Variants in DNAH11 observed in about 807,000 individuals in gnomAD.
DNAH11 encodes the protein dynein axonemal heavy chain 11, also known as axonemal beta dynein heavy chain 11.
In DNAH11, 442 loss-of-function variants were observed where a neutral mutation model predicts 526.0. That is an observed-to-expected ratio of 0.84 (90% CI 0.78 to 0.91). DNAH11 has a LOEUF of 0.91. Among genes scored for constraint, DNAH11 ranks in the 40% least tolerant of loss-of-function variants. The pLI is 0.00. For missense variants in DNAH11, 6,989 were observed against 5,448.7 expected, an observed-to-expected ratio of 1.28 and a Z score of -8.90; for synonymous variants, 2,461 against 1,935.9, an observed-to-expected ratio of 1.27 and a Z score of -7.12.
chr7:21,636,331 A>G (rs1786862107), intron 26 of DNAH11, among the ~76,000 whole-genome samples: 1 of 152,228 alleles, frequency 6.6e-6, no homozygotes, highest in Admixed American at 6.5e-5. Context: ...ATAAATAAAC[A>G]AATGGATATG....
At chr7:21,647,674 G>A (rs1463544978) in intron 28 of DNAH11, among the ~76,000 whole-genome samples, 2 of 151,598 alleles carry the variant, frequency 1.3e-5, no homozygotes, top group African/African-American at 4.8e-5. Context: ...CTTGTGATCT[G>A]CCTGCCTCAG....
At chr7:21,748,850 C>T in intron 52 of DNAH11, 108 bp downstream of exon 52, 1 of 1,192,922 alleles carries the variant, frequency 8.4e-7, no homozygotes, top group Non-Finnish European at 1.1e-6. Flanking sequence ...GCCAAGGCCT[C>T]CCCAACCACG....
intron 54 of DNAH11, among the ~76,000 whole-genome samples, chr7:21,758,401 T>C (rs1021996462): frequency 6.6e-6 from 1 of 152,200 alleles, no homozygotes; most frequent in Non-Finnish European, 1.5e-5. Context: ...AAAAGTTTTT[T>C]TCAAACTGCT....
chr7:21,864,403 C>T, intron 69 of DNAH11, 132 bp from the exon 70 acceptor site: 1 of 677,604 alleles, frequency 1.5e-6, no homozygotes, highest in Admixed American at 3.4e-5. Context: ...AACAGTAGAA[C>T]AGATGTCAAG....
In DNAH11 at chr7:21,749,813, A is replaced by G. The variant is rs372924996; in HGVS notation, c.8797+12A>G. 1,378 of 1,613,210 alleles carry G rather than the reference A, an allele frequency of 8.5e-4. 1 individual carries two copies. Among genetic ancestry groups the G allele is most frequent in the Non-Finnish European group, 1.1e-3 (1,306 of 1,179,604 alleles). Reference sequence around the variant, plus strand: ...CTTGCTGGCATCAGGTGATTAAACCAACACATTTCTTGAAAGATCTTCCCC... The same window carrying G: ...CTTGCTGGCATCAGGTGATTAAACCGACACATTTCTTGAAAGATCTTCCCC... On this transcript the variant is annotated intron_variant, in intron 53 of 81. Transcript: ENST00000409508.
chr7:21,844,352 G>T (rs1675804254), intron 66 of DNAH11, among the ~76,000 whole-genome samples: 2 of 152,332 alleles, frequency 1.3e-5, no homozygotes, highest in Middle Eastern at 3.4e-3. Context: ...CTTGAACCCA[G>T]GGGCAGAGGT....
At chr7:21,741,069 T>G (rs1224970974) in intron 48 of DNAH11, among the ~76,000 whole-genome samples, 1 of 152,210 alleles carries the variant, frequency 6.6e-6, no homozygotes, top group Non-Finnish European at 1.5e-5. Context: ...AATTGGGTTA[T>G]TTTGTTGTCA....
At chr7:21,831,046 T>C (rs1211086184) in intron 65 of DNAH11, among the ~76,000 whole-genome samples, 1 of 152,192 alleles carries the variant, frequency 6.6e-6, no homozygotes, top group East Asian at 1.9e-4. Context: ...CACACCCACT[T>C]GACTCTCCGT....
chr7:21,610,196 G>A (rs1976887), intron 20 of DNAH11, among the ~76,000 whole-genome samples: 41,322 of 152,042 alleles, frequency 0.27, 5,899 homozygotes, highest in East Asian at 0.55. Flanking sequence ...GTAGCTTGCA[G>A]TGAGCCGAGA....
At chr7:21,617,828 A>G (rs1246648328) in intron 23 of DNAH11, 51 bp downstream of exon 23, 1 of 1,488,590 alleles carries the variant, frequency 6.7e-7, no homozygotes, top group Non-Finnish European at 9.0e-7. Flanking sequence ...GTGAAGTGTT[A>G]CTTCTTGGTT....
intron 40 of DNAH11, among the ~76,000 whole-genome samples, chr7:21,710,109 T>C (rs1784406028): frequency 6.6e-6 from 1 of 152,222 alleles, no homozygotes; most frequent in Non-Finnish European, 1.5e-5. Context: ...TTCTGAATGC[T>C]TTAGCTTCAG....
chr7:21,627,594 A>G (rs1291335382), intron 25 of DNAH11, among the ~76,000 whole-genome samples: 1 of 151,988 alleles, frequency 6.6e-6, no homozygotes, highest in African/African-American at 2.4e-5. Flanking sequence ...CTGTAAATGT[A>G]TGGGTTTATA....
chr7:21,581,395 A>C (rs73682644), intron 8 of DNAH11, among the ~76,000 whole-genome samples: 409 of 152,298 alleles, frequency 2.7e-3, no homozygotes, highest in African/African-American at 9.3e-3. Flanking sequence ...ATCACTAATG[A>C]TATTTTCTTA....
chr7:21,715,579 C>G (rs1046848801), intron 42 of DNAH11, among the ~76,000 whole-genome samples: 1 of 151,976 alleles, frequency 6.6e-6, no homozygotes, highest in African/African-American at 2.4e-5. Flanking sequence ...AGTCATGTTC[C>G]ACATCTATCA....
In DNAH11 at chr7:21,881,375, C is replaced by A. The variant is rs563383760; in HGVS notation, c.12387+482C>A. On this transcript the variant is annotated intron_variant, in intron 75 of 81. Transcript: ENST00000409508. ...ATGTCATTATTATGTATTAAGGATG[C>A]CACCTTGTTGTGACTTTCTCAGTAA... is the stretch of plus-strand genomic sequence containing the variant. Among the ~76,000 whole-genome samples, 8 of 152,260 alleles carry A rather than the reference C, an allele frequency of 5.3e-5. No individual in the cohort carries two copies. In the East Asian group the frequency reaches 1.2e-3, roughly 22 times the overall value.
intron 34 of DNAH11, among the ~76,000 whole-genome samples, chr7:21,688,906 C>T (rs1783498095): frequency 6.6e-6 from 1 of 152,226 alleles, no homozygotes; most frequent in Non-Finnish European, 1.5e-5. Flanking sequence ...TCTTATTTAT[C>T]TGGCCCACCT....
intron 30 of DNAH11, among the ~76,000 whole-genome samples, chr7:21,675,898 A>G (rs1455185790): frequency 2.0e-5 from 3 of 152,240 alleles, no homozygotes; most frequent in African/African-American, 7.2e-5. Flanking sequence ...GTAATAGTAA[A>G]TAGAATGGCC....
intron 3 of DNAH11, 96 bp from the exon 4 acceptor site, chr7:21,559,506 GA>G: frequency 2.0e-6 from 2 of 991,748 alleles, no homozygotes; most frequent in Non-Finnish European, 2.9e-6. Flanking sequence ...TTATTTTTAG[GA>G]AACTAGTTTA....
At chr7:21,747,342 G>T (rs1298684085) in intron 51 of DNAH11, among the ~76,000 whole-genome samples, 2 of 152,084 alleles carry the variant, frequency 1.3e-5, no homozygotes, top group African/African-American at 4.8e-5. Context: ...TAATATAAGT[G>T]ATCCCAACTT....
Sources: gnomAD v4.1 joint callset for allele counts (sites outside exome capture counted in the v4.1 genomes callset) on GRCh38, gnomAD v4.1.1 for gene constraint, MANE v1.5 for transcripts, NCBI Gene and HGNC (gene_info 2026-07-23, HGNC 2026-07-21) for gene names.